CHFR: variants seen among roughly 807,000 people sequenced by gnomAD.
CHFR encodes checkpoint with forkhead and ring finger domains.
Under a neutral mutation model 87.6 loss-of-function variants are expected in CHFR, and 57 were observed. The observed-to-expected ratio is 0.65, with a 90% confidence interval of 0.53 to 0.81. The LOEUF (loss-of-function observed/expected upper bound fraction) is 0.81, where lower values mean the gene tolerates loss of function less well. CHFR is among the 30% of genes least tolerant of loss of function. CHFR has a pLI of 0.00. For synonymous variants in CHFR, 381 were observed against 359.2 expected, an observed-to-expected ratio of 1.06 and a Z score of -0.69; for missense variants, 797 against 865.8, an observed-to-expected ratio of 0.92 and a Z score of 1.00.
At chr12:132,875,584 A>G (rs1951612670) in intron 3 of CHFR, among the ~76,000 whole-genome samples, 1 of 151,796 alleles carries the variant, frequency 6.6e-6, no homozygotes, top group Admixed American at 6.6e-5. Context: ...GATCGCACCA[A>G]CAGCACTTCA....
rs1376346731 is a variant in CHFR, at chr12:132,885,781, C to T, written c.133+1415G>A. ...TAGGTACATAGGCGCAGAAAGATGT[C>T]GTTAGCCCAGAGTAATGTGTTGACA... On this transcript the variant is annotated intron_variant, in intron 2 of 17. Coordinates refer to ENST00000450056, the MANE Select transcript of CHFR (RefSeq NM_001161346.2). Among the ~76,000 whole-genome samples the T allele has an allele frequency of 4.6e-5, 7 of 152,160 alleles. No individual in the cohort carries two copies. The East Asian group carries it at 9.6e-4, about 21-fold the overall frequency.
At chr12:132,877,493 C>A (rs945252675) in intron 3 of CHFR, 62 bp downstream of exon 3, 105 of 1,148,852 alleles carry the variant, frequency 9.1e-5, no homozygotes, top group Middle Eastern at 4.0e-4. Flanking sequence ...CAGCACAGAG[C>A]ACGAAGTCAG....
intron 6 of CHFR, among the ~76,000 whole-genome samples, chr12:132,868,322 C>T (rs889289925): frequency 2.6e-5 from 4 of 152,132 alleles, no homozygotes; most frequent in African/African-American, 4.8e-5. Flanking sequence ...AACTCCGTCT[C>T]TACTAAAAAT....
Position 132,848,125 on chromosome 12 carries a change from C to T in CHFR, c.1607G>A (p.Gly536Asp), listed in dbSNP as rs754297675. The change falls in exon 14 of 18, where the codon GGC becomes GAC. Residue 536 changes from glycine (G) to aspartate (D), a missense_variant. Transcript: ENST00000450056. Reference sequence around the variant, plus strand: ...CTCGTAGCTGTTGTTGTTCAGCACGCCGTCCAGACACTTGTCACCCAGGTT... The same window carrying T: ...CTCGTAGCTGTTGTTGTTCAGCACGTCGTCCAGACACTTGTCACCCAGGTT... ...ELNLGDKCLD[G>D]VLNNNSYESD... 2.5e-6 allele frequency: 4 copies of T among 1,614,122 alleles called. No individual in the cohort carries two copies. The Admixed American group carries it at 5.0e-5, about 20-fold the overall frequency.
chr12:132,875,954 C>T (rs1261005955), intron 3 of CHFR, among the ~76,000 whole-genome samples: 1 of 152,136 alleles, frequency 6.6e-6, no homozygotes, highest in Non-Finnish European at 1.5e-5. Context: ...GCAGGCAGAT[C>T]ACCTGAGATC....
chr12:132,870,757 T>G lies in CHFR; in HGVS notation c.370A>C (p.Ser124Arg), dbSNP rs1387598301. ...TCTTGTGTCATGCCTTGCTTTTCAC[T>G]TAAAGATTCATAGAGGTATGCCACG... is the stretch of plus-strand genomic sequence containing the variant. ...HNVAYLYESLSEKQGMTQESF... is the reference protein window; with the variant it reads ...HNVAYLYESLREKQGMTQESF... Residue 124 changes from serine to arginine, a missense_variant, in exon 5 of 18, where the codon AGT becomes CGT. Coordinates refer to ENST00000450056, the MANE Select transcript of CHFR (RefSeq NM_001161346.2). 6.2e-7 allele frequency: 1 copy of G among 1,611,706 alleles called. No homozygotes were observed. Among genetic ancestry groups the G allele is most frequent in the East Asian group, 2.2e-5 (1 of 44,844 alleles).
intron 4 of CHFR, chr12:132,871,961 G>A: frequency 3.4e-6 from 1 of 290,544 alleles, no homozygotes; most frequent in South Asian, 9.2e-5. Context: ...CAGACCCCTG[G>A]TCCTAGGTTT....
chr12:132,884,695 C>G (rs1410036383), intron 2 of CHFR, among the ~76,000 whole-genome samples: 1 of 152,136 alleles, frequency 6.6e-6, no homozygotes, highest in Non-Finnish European at 1.5e-5. Context: ...TGTGAGGACA[C>G]AGCAAGAAAG....
intron 10 of CHFR, 47 bp downstream of exon 10, chr12:132,856,421 G>T: frequency 6.2e-7 from 1 of 1,600,956 alleles, no homozygotes; most frequent in Admixed American, 1.7e-5. Flanking sequence ...CGGTTGTGAT[G>T]CTCCTCTGGC....
intron 2 of CHFR, among the ~76,000 whole-genome samples, chr12:132,878,840 A>C (rs1951696378): frequency 6.6e-6 from 1 of 151,554 alleles, no homozygotes; most frequent in Admixed American, 6.6e-5. Context: ...AAAGAAAAAA[A>C]AAAACTCAGG....
intron 8 of CHFR, 98 bp from the exon 9 acceptor site, chr12:132,857,657 G>A: frequency 8.3e-7 from 1 of 1,201,846 alleles, no homozygotes; most frequent in Non-Finnish European, 1.2e-6. Flanking sequence ...AGGGCCTACA[G>A]GGGCCCAGCC....
At chr12:132,863,149 G>A (rs1302371737) in intron 6 of CHFR, among the ~76,000 whole-genome samples, 2 of 147,802 alleles carry the variant, frequency 1.4e-5, no homozygotes, top group Non-Finnish European at 1.5e-5. Context: ...ACCCACCTCG[G>A]CCTCCCAAAG....
chr12:132,884,075 G>A (rs184176169), intron 2 of CHFR, among the ~76,000 whole-genome samples: 30 of 152,136 alleles, frequency 2.0e-4, no homozygotes, highest in East Asian at 7.7e-4. Flanking sequence ...AGTGAAGATC[G>A]CACCACTGCA....
intron 3 of CHFR, 148 bp downstream of exon 3, chr12:132,877,407 G>A: frequency 5.7e-6 from 3 of 527,700 alleles, no homozygotes; most frequent in South Asian, 5.5e-5. Context: ...AGGGACACAT[G>A]ACTGTGCTGT....
chr12:132,870,395 G>A (rs1951460275), intron 5 of CHFR, among the ~76,000 whole-genome samples: 1 of 150,824 alleles, frequency 6.6e-6, no homozygotes. Flanking sequence ...AGCCAGGCGT[G>A]ACGGTGCAAC....
intron 12 of CHFR, 87 bp downstream of exon 12, chr12:132,851,531 G>A (rs1950944224): frequency 7.2e-7 from 1 of 1,396,934 alleles, no homozygotes; most frequent in Non-Finnish European, 9.5e-7. Flanking sequence ...TTACTTCACA[G>A]GTTACCCTAA....
At chr12:132,854,245 A>C (rs1360467324) in intron 10 of CHFR, 2 of 151,802 alleles carry the variant, frequency 1.3e-5, no homozygotes, top group East Asian at 1.9e-4. Flanking sequence ...GAGATTACCT[A>C]CTTCTCCTTC....
rs1157509011 is a variant in CHFR, at chr12:132,836,919, T to C, written c.*4635A>G. 3 of 371,314 alleles carry C rather than the reference T, an allele frequency of 8.1e-6. No homozygotes were observed. The East Asian group carries it at 2.2e-4, about 27-fold the overall frequency. 23.0% of individuals were successfully genotyped at this position (371,314 alleles called of 1,614,324 possible). ...GTGGGCAGACAGGCAAGATCCCTGC[T>C]CTATTTTTTTGAGAGGGGGAGACAA... is the stretch of plus-strand genomic sequence containing the variant. On this transcript the variant is annotated 3_prime_UTR_variant, in exon 18 of 18. Transcript: ENST00000450056.
At chr12:132,857,647 A>T in intron 8 of CHFR, 88 bp from the exon 9 acceptor site, 1 of 1,274,628 alleles carries the variant, frequency 7.8e-7, no homozygotes, top group Non-Finnish European at 1.1e-6. Context: ...CCACCACGGA[A>T]GGGCCTACAG....
Sources: allele counts gnomAD v4.1 joint callset (sites outside exome capture counted in the v4.1 genomes callset), GRCh38; gene constraint gnomAD v4.1.1; transcripts MANE v1.5; gene names NCBI Gene and HGNC (gene_info 2026-07-23, HGNC 2026-07-21).